UCK2: variants seen among roughly 807,000 people sequenced by gnomAD.
UCK2 encodes the protein cytidine monophosphokinase 2.
A neutral mutation model predicts 30.8 loss-of-function variants in UCK2; 6 were observed. The observed-to-expected ratio is 0.19, with a 90% confidence interval of 0.11 to 0.38. The LOEUF is 0.38. UCK2 is among the 10% of genes least tolerant of loss of function. The pLI, the probability that UCK2 is intolerant of heterozygous loss-of-function variation, is 1.00. For synonymous variants in UCK2, 125 were observed against 133.6 expected, an observed-to-expected ratio of 0.94 and a Z score of 0.45; for missense variants, 210 against 339.8, an observed-to-expected ratio of 0.62 and a Z score of 3.00.
At chr1:165,843,828 A>G (rs934184995) in intron 1 of UCK2, among the ~76,000 whole-genome samples, 1 of 152,184 alleles carries the variant, frequency 6.6e-6, no homozygotes, top group African/African-American at 2.4e-5. Context: ...TGTTGATTTA[A>G]TACTAATGGA....
chr1:165,872,321 C>T (rs572076511), intron 1 of UCK2, among the ~76,000 whole-genome samples: 21 of 152,258 alleles, frequency 1.4e-4, no homozygotes, highest in African/African-American at 2.4e-4. Context: ...GTGATCTGCC[C>T]GCCTTGGCCT....
At chr1:165,862,152 C>G (rs1176269174) in intron 1 of UCK2, among the ~76,000 whole-genome samples, 2 of 152,178 alleles carry the variant, frequency 1.3e-5, no homozygotes, top group African/African-American at 2.4e-5. Flanking sequence ...TCATCAATCT[C>G]TTTGTTCATA....
chr1:165,890,894 T>C (rs1161133189), intron 2 of UCK2: 1 of 295,538 alleles, frequency 3.4e-6, no homozygotes, highest in African/African-American at 2.2e-5. Flanking sequence ...CCCCCAGTCA[T>C]GGGTTTGCTT....
chr1:165,890,791 A>G (rs1655745796), intron 2 of UCK2: 1 of 254,280 alleles, frequency 3.9e-6, no homozygotes, highest in Non-Finnish European at 7.7e-6. Flanking sequence ...TTTTTGCCCT[A>G]CAGCCCTAGA....
At chr1:165,864,417 A>G (rs1654995235) in intron 1 of UCK2, among the ~76,000 whole-genome samples, 1 of 152,122 alleles carries the variant, frequency 6.6e-6, no homozygotes, top group Non-Finnish European at 1.5e-5. Context: ...AATTATTTTT[A>G]TAGGTATCAG....
intron 1 of UCK2, among the ~76,000 whole-genome samples, chr1:165,869,489 G>C (rs933363004): frequency 1.6e-4 from 24 of 151,992 alleles, no homozygotes; most frequent in African/African-American, 5.8e-4. Flanking sequence ...TTAGTTTTTT[G>C]AGGAGTTCCT....
At chr1:165,830,926 A>G (rs149022970) in intron 1 of UCK2, among the ~76,000 whole-genome samples, 3 of 152,106 alleles carry the variant, frequency 2.0e-5, no homozygotes, top group Non-Finnish European at 4.4e-5. Flanking sequence ...TTAAAACCAG[A>G]TTCTCAGCTT....
chr1:165,903,126 G>A (rs1476055778), intron 4 of UCK2, 56 bp from the exon 5 acceptor site: 13 of 1,361,466 alleles, frequency 9.5e-6, no homozygotes, highest in African/African-American at 5.8e-5. Flanking sequence ...CATGAAGGGC[G>A]GGTGTGTGCT....
intron 1 of UCK2, among the ~76,000 whole-genome samples, chr1:165,857,452 G>A (rs1654776808): frequency 6.6e-6 from 1 of 152,228 alleles, no homozygotes; most frequent in East Asian, 1.9e-4. Flanking sequence ...GATCTGGAGT[G>A]CAGAGTACTG....
intron 1 of UCK2, among the ~76,000 whole-genome samples, chr1:165,839,716 C>G (rs1654277225): frequency 6.6e-6 from 1 of 152,104 alleles, no homozygotes; most frequent in Non-Finnish European, 1.5e-5. Flanking sequence ...CCCTATTTGG[C>G]CACTTTTAAT....
chr1:165,830,748 C>G (rs1424878611), intron 1 of UCK2, among the ~76,000 whole-genome samples: 1 of 152,084 alleles, frequency 6.6e-6, no homozygotes, highest in East Asian at 1.9e-4. Flanking sequence ...TTAAAAAAGT[C>G]CAAGACTGGG....
At chr1:165,869,577 G>A (rs758271133) in intron 1 of UCK2, among the ~76,000 whole-genome samples, 1 of 149,624 alleles carries the variant, frequency 6.7e-6, no homozygotes, top group Non-Finnish European at 1.5e-5. Flanking sequence ...TCGCATGCTT[G>A]CTAACATTTG....
At position 165,908,380 on chromosome 1, in the gene UCK2, G is replaced by A. The variant is rs1198662740; in HGVS notation, c.*557G>A. ...CTGTCACATGCCACTCTTGGAGCTG[G>A]AGCTTAGTGATATGTCAATGAGAGA... is the stretch of plus-strand genomic sequence containing the variant. On this transcript the variant is annotated 3_prime_UTR_variant, in exon 7 of 7. Coordinates refer to ENST00000367879, the MANE Select transcript of UCK2 (RefSeq NM_012474.5). 1 of 151,796 alleles carries A rather than the reference G, an allele frequency of 6.6e-6. No homozygotes were observed. The highest frequency in any genetic ancestry group is 1.5e-5 in the Non-Finnish European group (1 of 68,016). 9.4% of individuals were successfully genotyped at this position (151,796 alleles called of 1,614,324 possible). A position where few individuals can be genotyped will look rare whatever the true frequency, so the allele number is the denominator to read the frequency against.
chr1:165,848,862 A>G (rs1173223866), intron 1 of UCK2, among the ~76,000 whole-genome samples: 2 of 152,306 alleles, frequency 1.3e-5, no homozygotes, highest in South Asian at 4.1e-4. Flanking sequence ...TTCAGAAAAC[A>G]TGGTGGGTCA....
At chr1:165,907,136 A>T (rs956147895) in intron 6 of UCK2, among the ~76,000 whole-genome samples, 1 of 152,238 alleles carries the variant, frequency 6.6e-6, no homozygotes, top group Non-Finnish European at 1.5e-5. Context: ...TGTGTATCAC[A>T]TCAGAAAGCA....
At chr1:165,874,536 G>A (rs1371835824) in intron 1 of UCK2, among the ~76,000 whole-genome samples, 1 of 152,106 alleles carries the variant, frequency 6.6e-6, no homozygotes, top group Non-Finnish European at 1.5e-5. Context: ...GCGTTAAAAG[G>A]GATAGGGCAG....
chr1:165,833,069 T>A (rs1284329498), intron 1 of UCK2, among the ~76,000 whole-genome samples: 1 of 152,164 alleles, frequency 6.6e-6, no homozygotes, highest in African/African-American at 2.4e-5. Flanking sequence ...CAGCATCTGC[T>A]TTTGGAATGC....
chr1:165,898,997 T>C (rs1382967625), intron 4 of UCK2, among the ~76,000 whole-genome samples: 1 of 152,226 alleles, frequency 6.6e-6, no homozygotes, highest in Non-Finnish European at 1.5e-5. Context: ...ACAAAAAACA[T>C]GCTTGGCATG....
At chr1:165,895,469 A>G (rs1655875504) in intron 3 of UCK2, 2 of 985,154 alleles carry the variant, frequency 2.0e-6, no homozygotes, top group Non-Finnish European at 2.4e-6. Context: ...TGCCTGCCCT[A>G]GGCTACCCAA....
Sources: gnomAD v4.1 joint callset for allele counts (sites outside exome capture counted in the v4.1 genomes callset) on GRCh38, gnomAD v4.1.1 for gene constraint, MANE v1.5 for transcripts, NCBI Gene and HGNC (gene_info 2026-07-23, HGNC 2026-07-21) for gene names.